DNAH8: variants seen among roughly 807,000 people sequenced by gnomAD.
DNAH8 encodes the protein dynein axonemal heavy chain 8.
DNAH8 carries 382 observed loss-of-function variants against 562.1 expected under a neutral mutation model. That is an observed-to-expected ratio of 0.68 (90% confidence interval 0.63 to 0.74). The LOEUF is 0.74. Among genes scored for constraint, DNAH8 ranks in the 30% least tolerant of loss-of-function variants. The probability of loss-of-function intolerance (pLI) is 0.00; values close to 1 mark genes in which losing one functional copy is unlikely to be tolerated. For missense variants in DNAH8, 5,203 were observed against 5,620.4 expected (o/e 0.93, Z 2.37); for synonymous variants, 1,881 against 1,919.4 (o/e 0.98, Z 0.52).
At chr6:38,753,650 GA>G (rs1441370803) in intron 9 of DNAH8, among the ~76,000 whole-genome samples, 1 of 152,080 alleles carries the variant, frequency 6.6e-6, no homozygotes, top group African/African-American at 2.4e-5. Flanking sequence ...TTGCTATCAA[GA>G]CTCCAAATTT....
At chr6:38,823,287 G>A (rs563311361) in intron 27 of DNAH8, among the ~76,000 whole-genome samples, 6 of 152,202 alleles carry the variant, frequency 3.9e-5, no homozygotes, top group South Asian at 4.1e-4. Flanking sequence ...GTGCCACCAC[G>A]GACTAGAGGC....
chr6:38,885,651 G>A (rs12530017), intron 56 of DNAH8, among the ~76,000 whole-genome samples: 16,854 of 152,058 alleles, frequency 0.11, 1,288 homozygotes, highest in Admixed American at 0.21. Context: ...CTTTGTATAC[G>A]CTGGATATGG....
Position 38,832,431 on chromosome 6 carries a change from A to T in DNAH8, c.4298A>T (p.Glu1433Val). ...GTGATAAACTTTGCAGAAGCATATG[A>T]ATTGGTAATTTAAGTATTTTCTTGC... ...EDVINFAEAYELEGPMVPNIP... is the reference protein window; with the variant it reads ...EDVINFAEAYVLEGPMVPNIP... Residue 1433 changes from glutamate to valine, a missense_variant, in exon 31 of 93, where the codon GAA becomes GTA. By Grantham distance (121) the Glu-to-Val change is moderately radical. Coordinates refer to ENST00000327475, the MANE Select transcript of DNAH8 (RefSeq NM_001206927.2). The T allele has an allele frequency of 6.4e-7, 1 of 1,565,400 alleles. No homozygotes were observed. The highest frequency in any genetic ancestry group is 8.8e-7 in the Non-Finnish European group (1 of 1,136,500).
At chr6:38,964,806 A>C (rs1762864760) in intron 82 of DNAH8, among the ~76,000 whole-genome samples, 1 of 152,196 alleles carries the variant, frequency 6.6e-6, no homozygotes, top group Non-Finnish European at 1.5e-5. Context: ...TCACACCTGT[A>C]ATCCCAGCAC....
At chr6:38,983,723 A>G (rs2150716894) in intron 86 of DNAH8, among the ~76,000 whole-genome samples, 1 of 152,368 alleles carries the variant, frequency 6.6e-6, no homozygotes, top group East Asian at 1.9e-4. Flanking sequence ...AATGAGATGC[A>G]GAGGATGGCA....
intron 88 of DNAH8, among the ~76,000 whole-genome samples, chr6:39,005,653 G>A (rs1222366316): frequency 2.0e-5 from 3 of 152,064 alleles, no homozygotes; most frequent in East Asian, 1.9e-4. Flanking sequence ...TTGATGAAAC[G>A]TTTATTCAAA....
intron 8 of DNAH8, among the ~76,000 whole-genome samples, 166 bp from the exon 9 acceptor site, chr6:38,750,310 G>A (rs1170323783): frequency 6.6e-6 from 1 of 152,180 alleles, no homozygotes; most frequent in East Asian, 1.9e-4. Flanking sequence ...TAAGGTGCTT[G>A]TTGTAACTTT....
chr6:38,853,338 T>G lies in DNAH8; in HGVS notation c.5724T>G (p.Phe1908Leu). The change falls in exon 41 of 93, where the codon TTT becomes TTG. Residue 1908 changes from phenylalanine to leucine, a missense_variant. Transcript: ENST00000327475. ...AACTCTTACCATTCCTCAGCCACTT[T>G]CCAGCACAGGTGAGAATACACAATG... is the stretch of plus-strand genomic sequence containing the variant. ...GFQLLPFLSHFPAQVGLLGIQ... is the reference protein window; with the variant it reads ...GFQLLPFLSHLPAQVGLLGIQ... 1.9e-6 allele frequency: 3 copies of G among 1,613,218 alleles called. No homozygotes were observed. The highest frequency in any genetic ancestry group is 2.5e-6 in the Non-Finnish European group (3 of 1,179,624).
intron 89 of DNAH8, among the ~76,000 whole-genome samples, chr6:39,009,508 G>A (rs1373767851): frequency 1.3e-5 from 2 of 152,188 alleles, no homozygotes; most frequent in African/African-American, 4.8e-5. Context: ...TTACCAATCT[G>A]AAGTCTTCTA....
chr6:38,764,939 A>G (rs549585872), intron 11 of DNAH8, among the ~76,000 whole-genome samples: 2 of 152,288 alleles, frequency 1.3e-5, no homozygotes, highest in African/African-American at 2.4e-5. Flanking sequence ...GGTTCAAGCA[A>G]TTCTCCGGTT....
At chr6:38,899,711 T>G in intron 61 of DNAH8, 65 bp from the exon 62 acceptor site, 4 of 1,573,982 alleles carry the variant, frequency 2.5e-6, no homozygotes, top group Non-Finnish European at 3.5e-6. Flanking sequence ...TGGGCTCATT[T>G]AGTGCAAGAA....
chr6:38,881,831 G>C (rs190293257), intron 53 of DNAH8, among the ~76,000 whole-genome samples: 1 of 151,944 alleles, frequency 6.6e-6, no homozygotes, highest in Non-Finnish European at 1.5e-5. Flanking sequence ...GTTTACAGAC[G>C]TCAGCCACTG....
intron 85 of DNAH8, among the ~76,000 whole-genome samples, chr6:38,976,285 G>A (rs996893122): frequency 2.0e-5 from 3 of 152,142 alleles, no homozygotes; most frequent in African/African-American, 7.2e-5. Flanking sequence ...AGAAGTAGGT[G>A]ATCTTTCAAG....
chr6:38,877,773 C>A (rs4380740), intron 53 of DNAH8, among the ~76,000 whole-genome samples: 65,540 of 151,522 alleles, frequency 0.43, 15,028 homozygotes, highest in East Asian at 0.84. Flanking sequence ...ATGCTTCCAG[C>A]GAAGATGGAG....
rs140552584 is a variant in DNAH8 at position 38,947,479 on chromosome 6, G to A, written c.12129+1891G>A. 4.6e-5 allele frequency among the ~76,000 whole-genome samples: 7 copies of A among 152,324 alleles called. No homozygotes were observed. The East Asian group carries it at 1.4e-3, about 29-fold the overall frequency. Reference sequence around the variant, plus strand: ...GGAAGTCATCTTATCACCTATCATGGCTGCAGCTCACTTTGAAGCTCTACT... The same window carrying A: ...GGAAGTCATCTTATCACCTATCATGACTGCAGCTCACTTTGAAGCTCTACT... On this transcript the variant is annotated intron_variant, in intron 80 of 92. Coordinates refer to ENST00000327475, the MANE Select transcript of DNAH8 (RefSeq NM_001206927.2).
At chr6:38,883,691 T>C (rs1251826812) in intron 55 of DNAH8, among the ~76,000 whole-genome samples, 185 bp from the exon 56 acceptor site, 1 of 152,188 alleles carries the variant, frequency 6.6e-6, no homozygotes. Context: ...TCTACTGTAA[T>C]GTAAATGAAG....
intron 91 of DNAH8, among the ~76,000 whole-genome samples, chr6:39,023,488 G>A (rs771804746): frequency 4.6e-5 from 7 of 152,192 alleles, no homozygotes; most frequent in Admixed American, 1.3e-4. Context: ...GCGAGACACC[G>A]TCTAAAAAAC....
At chr6:38,867,037 C>T (rs1488017616) in intron 47 of DNAH8, among the ~76,000 whole-genome samples, 161 bp downstream of exon 47, 1 of 151,882 alleles carries the variant, frequency 6.6e-6, no homozygotes, top group African/African-American at 2.4e-5. Flanking sequence ...TTTTTAAGAC[C>T]CTTTTATTTT....
intron 32 of DNAH8, among the ~76,000 whole-genome samples, chr6:38,836,302 C>T (rs1774287842): frequency 6.6e-6 from 1 of 151,956 alleles, no homozygotes; most frequent in African/African-American, 2.4e-5. Flanking sequence ...GCTAATGTAG[C>T]CAGGTATTGT....
Sources: gnomAD v4.1 joint callset for allele counts (sites outside exome capture counted in the v4.1 genomes callset) on GRCh38, gnomAD v4.1.1 for gene constraint, MANE v1.5 for transcripts, NCBI Gene and HGNC (gene_info 2026-07-23, HGNC 2026-07-21) for gene names.